The following ACP7 variants were observed in gnomAD, a reference collection of about 807,000 sequenced individuals.
The protein encoded by ACP7 is acid phosphatase type 7.
Under a neutral mutation model 60.6 loss-of-function variants are expected in ACP7, and 58 were observed. The observed-to-expected ratio is 0.96, with a 90% CI of 0.77 to 1.19. The LOEUF is 1.19. ACP7 is among the 50% of genes most tolerant of loss of function. ACP7 has a pLI of 0.00. For missense variants in ACP7, 574 were observed against 596.2 expected (o/e 0.96, Z 0.39); for synonymous variants, 237 against 232.6 (o/e 1.02, Z -0.17).
In ACP7 at chr19:39,110,401, G is replaced by A; in HGVS notation, c.*283G>A. The A allele has an allele frequency of 2.5e-6, 1 of 397,884 alleles. No homozygotes were observed. The highest frequency in any genetic ancestry group is 4.5e-6 in the Non-Finnish European group (1 of 220,244). 24.6% of individuals were successfully genotyped at this position (397,884 alleles called of 1,614,324 possible). ...CCACCCTCCTGCATAGCTCTGATCGGGCGAGGTGCCCACGGGGCTTCAGGA... is the reference window on the plus strand; with the variant it reads ...CCACCCTCCTGCATAGCTCTGATCGAGCGAGGTGCCCACGGGGCTTCAGGA... On this transcript the variant is annotated 3_prime_UTR_variant, in exon 13 of 13. Transcript: ENST00000331256.
At chr19:39,084,240 G>A (rs2073114403), upstream of ACP7, 1 of 152,354 alleles carries the variant, frequency 6.6e-6, no homozygotes, top group South Asian at 2.1e-4. Context: ...GTGGGACCCG[G>A]GGCCCTGGCT....
chr19:39,084,978 G>T, intron 1 of ACP7, 114 bp from the exon 2 acceptor site: 1 of 313,240 alleles, frequency 3.2e-6, no homozygotes, highest in Non-Finnish European at 5.9e-6. Context: ...TCATAGCAAT[G>T]TCGTGAGGCT....
At chr19:39,089,253 A>G (rs1052462619) in intron 2 of ACP7, among the ~76,000 whole-genome samples, 1 of 151,764 alleles carries the variant, frequency 6.6e-6, no homozygotes, top group African/African-American at 2.4e-5. Flanking sequence ...TTTTCAGTAG[A>G]GATGGGGTTT....
At chr19:39,097,360 G>A (rs896347778) in intron 2 of ACP7, among the ~76,000 whole-genome samples, 4 of 148,470 alleles carry the variant, frequency 2.7e-5, no homozygotes, top group Admixed American at 6.9e-5. Flanking sequence ...CCGAGAATGC[G>A]CCATTGCACT....
rs2073154393 is a variant in ACP7, at chr19:39,087,330, T to C, written c.121+1940T>C. Among the ~76,000 whole-genome samples the C allele has an allele frequency of 2.0e-5, 3 of 152,288 alleles. No individual in the cohort carries two copies. In the South Asian group the frequency reaches 6.2e-4, roughly 32 times the overall value. ...CCCCGCCTAAAATCTCTTTAGTATC[T>C]GGTTTGGTAACTGACAACTGGATTC... On this transcript the variant is annotated intron_variant, in intron 2 of 12. Transcript: ENST00000331256.
At chr19:39,098,425 C>A in intron 2 of ACP7, 33 bp from the exon 3 acceptor site, 3 of 1,379,462 alleles carry the variant, frequency 2.2e-6, no homozygotes, top group Non-Finnish European at 2.9e-6. Context: ...CCAGGCTTCA[C>A]TCCCGGTCTA....
intron 10 of ACP7, 24 bp from the exon 11 acceptor site, chr19:39,101,442 A>G (rs2073344147): frequency 6.2e-7 from 1 of 1,613,798 alleles, no homozygotes. Flanking sequence ...ACTGCCTGCC[A>G]CCCAACGTTG....
In ACP7 at chr19:39,098,553, C is replaced by T. The variant is rs370680976; in HGVS notation, c.217C>T (p.Arg73Cys). 6.8e-6 allele frequency: 11 copies of T among 1,613,342 alleles called. No homozygotes were observed. Among genetic ancestry groups the T allele is most frequent in the East Asian group, 6.7e-5 (3 of 44,858 alleles). Residue 73 changes from arginine (R) to cysteine (C), a missense_variant, in exon 3 of 13, where the codon CGC becomes TGC. By Grantham distance (180) the Arg-to-Cys change is radical (BLOSUM62 -3). Transcript: ENST00000331256. ...GLQPSGPLPLRAQGTFVPFVD... is the reference protein window; with the variant it reads ...GLQPSGPLPLCAQGTFVPFVD... ...GCAGCCGTCGGGGCCCCTGCCCCTC[C>T]GCGCCCAGGGCACCTTCGTCCCCTT...
intron 2 of ACP7, among the ~76,000 whole-genome samples, chr19:39,092,419 G>A (rs2073213920): frequency 6.6e-6 from 1 of 152,024 alleles, no homozygotes; most frequent in African/African-American, 2.4e-5. Context: ...ATTTACAGGT[G>A]TGCCTGTGGG....
intron 11 of ACP7, among the ~76,000 whole-genome samples, chr19:39,102,869 C>G (rs2073371129): frequency 6.7e-6 from 1 of 149,386 alleles, no homozygotes; most frequent in Non-Finnish European, 1.5e-5. Context: ...CGGAGTTTCA[C>G]TCTTGTCACC....
At chr19:39,102,134 A>ACACACG (rs1214076015) in intron 11 of ACP7, among the ~76,000 whole-genome samples, 111 of 150,684 alleles carry the variant, frequency 7.4e-4, no homozygotes, top group African/African-American at 2.6e-3. Context: ...ACACACACAC[A>ACACACG]CACACACACA....
At chr19:39,086,643 G>T (rs573385891) in intron 2 of ACP7, among the ~76,000 whole-genome samples, 5 of 118,846 alleles carry the variant, frequency 4.2e-5, no homozygotes, top group South Asian at 2.5e-4. Flanking sequence ...AAAAAAAAAG[G>T]GGGGGGGGAG....
chr19:39,109,967 C>T, intron 12 of ACP7, 86 bp from the exon 13 acceptor site: 1 of 1,347,620 alleles, frequency 7.4e-7, no homozygotes, highest in Non-Finnish European at 1.1e-6. Context: ...CATCAGAGGG[C>T]AGAGAGGGGA....
chr19:39,100,980 G>T lies in ACP7; in HGVS notation c.839G>T (p.Trp280Leu). The T allele has an allele frequency of 6.2e-7, 1 of 1,613,528 alleles. No homozygotes were observed. Among genetic ancestry groups the T allele is most frequent in the South Asian group, 1.1e-5 (1 of 91,062 alleles). ...KANKNRAARPWIITMGHRPMY... is the reference protein window; with the variant it reads ...KANKNRAARPLIITMGHRPMY... ...AATAAGAACCGGGCAGCCCGGCCGT[G>T]GATCATCACTATGGGGCACCGGCCC... The change falls in exon 8 of 13, where the codon TGG becomes TTG. Residue 280 changes from tryptophan to leucine, a missense_variant. Trp to Leu is a moderately conservative substitution (Grantham distance 61). Coordinates refer to ENST00000331256, the MANE Select transcript of ACP7 (RefSeq NM_001004318.3).
In ACP7 at chr19:39,100,854, G is replaced by A. The variant is rs2073333888; in HGVS notation, c.807+1G>A. On this transcript the variant is annotated splice_donor_variant, in intron 7 of 12. Transcript: ENST00000331256. LOFTEE classifies it high-confidence loss of function. Reference sequence around the variant, plus strand: ...TCGCTGGCTGGAGAGCGACCTCCAGGTAACCTGGGTGGAGGCCCCTATAGT... The same window carrying A: ...TCGCTGGCTGGAGAGCGACCTCCAGATAACCTGGGTGGAGGCCCCTATAGT... 6.2e-7 allele frequency: 1 copy of A among 1,613,076 alleles called. No individual in the cohort carries two copies. The highest frequency in any genetic ancestry group is 1.3e-5 in the African/African-American group (1 of 74,912).
Position 39,088,667 on chromosome 19 carries a change from T to C in ACP7, c.121+3277T>C, listed in dbSNP as rs145113079. On this transcript the variant is annotated intron_variant, in intron 2 of 12. Transcript: ENST00000331256. ...AGCAGGGGAAGAGTCTGACCCCAGT[T>C]CACACAGCCTGGGAATCTGAATGCC... 3.5e-4 allele frequency among the ~76,000 whole-genome samples: 53 copies of C among 152,332 alleles called. No homozygotes were observed. The East Asian group carries it at 9.9e-3, about 28-fold the overall frequency.
chr19:39,097,336 G>A (rs942389091), intron 2 of ACP7, among the ~76,000 whole-genome samples: 6 of 150,802 alleles, frequency 4.0e-5, no homozygotes, highest in South Asian at 4.2e-4. Context: ...CCATCTCACC[G>A]AGGTTGCAGT....
In ACP7 at chr19:39,097,399, C is replaced by CAAAAAA. The variant is rs527462300; in HGVS notation, c.122-1049_122-1044dup. Among the ~76,000 whole-genome samples the CAAAAAA allele has an allele frequency of 1.2e-3, 157 of 125,644 alleles. 1 individual carries two copies. Among genetic ancestry groups the CAAAAAA allele is most frequent in the Middle Eastern group, 4.1e-3 (1 of 244 alleles). The allele number at this position is 125,644 out of a possible 152,430, so 82.4% of individuals were successfully genotyped here. A position where few individuals can be genotyped will look rare whatever the true frequency, so the allele number is the denominator to read the frequency against. On this transcript the variant is annotated intron_variant, in intron 2 of 12. Coordinates refer to ENST00000331256, the MANE Select transcript of ACP7 (RefSeq NM_001004318.3). ...GCCTAGGCAACAGGGCAAGACTCCT[C>CAAAAAA]AAAAAAAAAAAAAAATTAGCTGGGC...
chr19:39,090,313 C>T (rs932565962), intron 2 of ACP7, among the ~76,000 whole-genome samples: 18 of 151,712 alleles, frequency 1.2e-4, no homozygotes, highest in Admixed American at 9.9e-4. Context: ...GGATTACAGG[C>T]GCACGCTGCC....
Sources: allele counts gnomAD v4.1 joint callset (sites outside exome capture counted in the v4.1 genomes callset), GRCh38; gene constraint gnomAD v4.1.1; transcripts MANE v1.5; gene names NCBI Gene and HGNC (gene_info 2026-07-23, HGNC 2026-07-21).